The following LHFPL3 variants were observed in gnomAD, a reference collection of about 807,000 sequenced individuals.
LHFPL3 encodes the protein LHFPL tetraspan subfamily member 3 protein.
LHFPL3 carries 5 observed loss-of-function variants against 19.3 expected under a neutral mutation model. The observed-to-expected ratio is 0.26, with a 90% CI of 0.14 to 0.54. The LOEUF (loss-of-function observed/expected upper bound fraction) is 0.54, where lower values mean the gene tolerates loss of function less well. LHFPL3 is among the 20% of genes least tolerant of loss of function. LHFPL3 has a pLI of 0.94. For synonymous variants in LHFPL3, 133 were observed against 126.2 expected (o/e 1.05, Z -0.36); for missense variants, 249 against 307.4 (o/e 0.81, Z 1.42).
chr7:104,585,480 A>AACACACACACAC (rs57028058), intron 1 of LHFPL3, among the ~76,000 whole-genome samples: 10,455 of 123,168 alleles, frequency 0.085, 753 homozygotes, highest in East Asian at 0.098. Context: ...AACACACACA[A>AACACACACACAC]ACACACACAC....
intron 2 of LHFPL3, chr7:104,845,421 C>A: frequency 1.3e-6 from 2 of 1,535,894 alleles, no homozygotes; most frequent in Non-Finnish European, 1.7e-6. Flanking sequence ...TAGTGTGAGA[C>A]CACACCATGT....
intron 1 of LHFPL3, among the ~76,000 whole-genome samples, chr7:104,462,767 G>A (rs1297560334): frequency 6.6e-6 from 1 of 152,192 alleles, no homozygotes; most frequent in East Asian, 1.9e-4. Context: ...ATGAGTTTGG[G>A]AGGAGTCCCT....
At chr7:104,494,420 C>T (rs1199709489) in intron 1 of LHFPL3, among the ~76,000 whole-genome samples, 1 of 152,160 alleles carries the variant, frequency 6.6e-6, no homozygotes, top group Non-Finnish European at 1.5e-5. Flanking sequence ...CATTACCTTG[C>T]TTTCACACTG....
rs1790771052 is a variant in LHFPL3 at position 104,824,539 on chromosome 7, AT to A, written c.683-81647del. ...ATATATTATTTTATATATAATATATATAATTATATATAATATATAATTATAT... is the reference window on the plus strand; with the variant it reads ...ATATATTATTTTATATATAATATATAAATTATATATAATATATAATTATAT... On this transcript the variant is annotated intron_variant, in intron 2 of 2. Transcript: ENST00000424859. Among the ~76,000 whole-genome samples the A allele has an allele frequency of 9.6e-5, 7 of 72,756 alleles. No individual in the cohort carries two copies. In the South Asian group the frequency reaches 2.7e-3, roughly 28 times the overall value. The allele number at this position is 72,756 out of a possible 152,430, so 47.7% of individuals were successfully genotyped here.
rs1016936837 is a variant in LHFPL3 at position 104,824,039 on chromosome 7, G to A, written c.683-82148G>A. The stretch of plus-strand genomic sequence containing the variant: ...TGCATGCCTATAATCCCAGCTACTC[G>A]GGAGGCTGAGGCAGGGGAATCACTT... On this transcript the variant is annotated intron_variant, in intron 2 of 2. Transcript: ENST00000424859. Among the ~76,000 whole-genome samples, 8 of 143,304 alleles carry A rather than the reference G, an allele frequency of 5.6e-5. No individual in the cohort carries two copies. The East Asian group carries it at 8.2e-4, about 15-fold the overall frequency. 94.0% of individuals were successfully genotyped at this position (143,304 alleles called of 152,430 possible).
At chr7:104,351,731 A>G (rs569101928) in intron 1 of LHFPL3, among the ~76,000 whole-genome samples, 1 of 152,362 alleles carries the variant, frequency 6.6e-6, no homozygotes, top group East Asian at 1.9e-4. Flanking sequence ...GTGGCAACAC[A>G]TTGACATTCT....
At chr7:104,752,702 C>A (rs539220424) in intron 2 of LHFPL3, 88 of 390,884 alleles carry the variant, frequency 2.3e-4, no homozygotes, top group African/African-American at 1.6e-3. Context: ...TTCTTCCGAG[C>A]GCACAAGCTT....
chr7:104,674,904 G>A (rs1306089339), intron 1 of LHFPL3, among the ~76,000 whole-genome samples: 1 of 152,154 alleles, frequency 6.6e-6, no homozygotes, highest in East Asian at 1.9e-4. Context: ...AGATATAGAA[G>A]ATCTGAGAAA....
intron 1 of LHFPL3, among the ~76,000 whole-genome samples, chr7:104,513,353 T>C (rs1265590870): frequency 1.3e-5 from 2 of 152,170 alleles, no homozygotes; most frequent in East Asian, 3.8e-4. Flanking sequence ...CATGTTCCAG[T>C]GCTGGGAAAA....
chr7:104,886,658 C>CAA, intron 2 of LHFPL3, among the ~76,000 whole-genome samples: 1 of 152,240 alleles, frequency 6.6e-6, no homozygotes, highest in Non-Finnish European at 1.5e-5. Context: ...AACCACTGCG[C>CAA]CCAGCCTCTT....
intron 1 of LHFPL3, among the ~76,000 whole-genome samples, chr7:104,365,749 CCGCAG>C (rs1790474866): frequency 7.2e-6 from 1 of 139,080 alleles, no homozygotes; most frequent in African/African-American, 2.7e-5. Flanking sequence ...CCACTGCAGT[CCGCAG>C]TCCGGCCTGG....
At chr7:104,835,966 C>T (rs1395271455) in intron 2 of LHFPL3, among the ~76,000 whole-genome samples, 1 of 151,736 alleles carries the variant, frequency 6.6e-6, no homozygotes, top group East Asian at 1.9e-4. Flanking sequence ...ACGTAAAAGG[C>T]AAGAAAATAT....
At chr7:104,490,249 A>G (rs1327927969) in intron 1 of LHFPL3, among the ~76,000 whole-genome samples, 1 of 152,190 alleles carries the variant, frequency 6.6e-6, no homozygotes, top group East Asian at 1.9e-4. Flanking sequence ...TAAGATAAAA[A>G]TGACCTCCAA....
intron 1 of LHFPL3, among the ~76,000 whole-genome samples, chr7:104,641,256 T>C (rs990046502): frequency 2.0e-5 from 3 of 152,234 alleles, no homozygotes; most frequent in Non-Finnish European, 4.4e-5. Flanking sequence ...AGCAATGCAC[T>C]TGAAAGCTGG....
At chr7:104,546,375 T>A (rs922657618) in intron 1 of LHFPL3, among the ~76,000 whole-genome samples, 21 of 152,208 alleles carry the variant, frequency 1.4e-4, no homozygotes, top group African/African-American at 4.8e-4. Context: ...TAAAATTCCC[T>A]TGATACATAG....
intron 1 of LHFPL3, among the ~76,000 whole-genome samples, chr7:104,697,778 A>C (rs1010510708): frequency 1.3e-5 from 2 of 152,164 alleles, no homozygotes; most frequent in African/African-American, 4.8e-5. Context: ...GGGGGAAAAA[A>C]CAGCTTGTTC....
chr7:104,706,922 G>A (rs77390236), intron 1 of LHFPL3, among the ~76,000 whole-genome samples: 5,458 of 147,138 alleles, frequency 0.037, 327 homozygotes, highest in African/African-American at 0.13. Context: ...AGAGAGGGAG[G>A]AGGATAATGA....
chr7:104,851,324 TGA>T (rs1247358538), intron 2 of LHFPL3, among the ~76,000 whole-genome samples: 3 of 152,192 alleles, frequency 2.0e-5, no homozygotes, highest in African/African-American at 7.2e-5. Context: ...CTTGGGAGTC[TGA>T]GTCTCTGGGC....
intron 1 of LHFPL3, among the ~76,000 whole-genome samples, chr7:104,673,365 T>A (rs1792524099): frequency 6.6e-6 from 1 of 152,242 alleles, no homozygotes; most frequent in Non-Finnish European, 1.5e-5. Context: ...CTATACTGTA[T>A]GTTCTCGTCT....
Sources: gnomAD v4.1 joint callset for allele counts (sites outside exome capture counted in the v4.1 genomes callset) on GRCh38, gnomAD v4.1.1 for gene constraint, MANE v1.5 for transcripts, NCBI Gene and HGNC (gene_info 2026-07-23, HGNC 2026-07-21) for gene names.